The following PCDHA4 variants were observed in gnomAD, a reference collection of about 807,000 sequenced individuals.
The protein encoded by PCDHA4 is protocadherin alpha-4.
PCDHA4 carries 49 observed loss-of-function variants against 61.4 expected under a neutral mutation model. That is an observed-to-expected ratio of 0.80 (90% CI 0.63 to 1.01). The LOEUF is 1.01. Ranked by LOEUF, PCDHA4 falls within the 50% of genes least tolerant of loss-of-function variation. The pLI, the probability that PCDHA4 is intolerant of heterozygous loss-of-function variation, is 0.00. For missense variants in PCDHA4, 1,254 were observed against 1,235.8 expected (o/e 1.01, Z -0.22); for synonymous variants, 590 against 550.3 (o/e 1.07, Z -1.01).
chr5:140,884,708 T>C, intron 1 of PCDHA4: 1 of 1,479,044 alleles, frequency 6.8e-7, no homozygotes, highest in Non-Finnish European at 9.0e-7. Flanking sequence ...ACTTTAGCCT[T>C]CCTTGCAGTT....
chr5:140,993,786 C>G (rs2097581960), intron 3 of PCDHA4, among the ~76,000 whole-genome samples: 1 of 152,162 alleles, frequency 6.6e-6, no homozygotes, highest in Admixed American at 6.5e-5. Flanking sequence ...TGTACAGTAA[C>G]ATGCTGTGCA....
chr5:140,967,415 C>T, intron 1 of PCDHA4: 1 of 1,613,142 alleles, frequency 6.2e-7, no homozygotes, highest in African/African-American at 1.3e-5. Flanking sequence ...GGGCCTAGAC[C>T]GGGAGCAGGC....
At chr5:140,822,284 G>C (rs2150115215) in intron 1 of PCDHA4, 4 of 1,614,234 alleles carry the variant, frequency 2.5e-6, no homozygotes, top group Non-Finnish European at 3.4e-6. Flanking sequence ...TTGAGATACA[G>C]GTTAAATCCA....
chr5:140,929,614 A>G (rs1554207224), intron 1 of PCDHA4: 1 of 405,948 alleles, frequency 2.5e-6, no homozygotes, highest in African/African-American at 2.1e-5. Context: ...ATAAAATACC[A>G]AAATATTTTA....
chr5:140,888,572 A>G (rs1354616132), intron 1 of PCDHA4, among the ~76,000 whole-genome samples: 1 of 152,196 alleles, frequency 6.6e-6, no homozygotes, highest in Admixed American at 6.5e-5. Context: ...GCTTCATTTT[A>G]AGATTTGTTA....
At chr5:140,975,765 CAG>C (rs1179625862) in intron 1 of PCDHA4, among the ~76,000 whole-genome samples, 1 of 152,220 alleles carries the variant, frequency 6.6e-6, no homozygotes, top group Non-Finnish European at 1.5e-5. Flanking sequence ...TCATAAATCA[CAG>C]ATAATACCAT....
At chr5:140,827,761 A>G (rs1241454349) in intron 1 of PCDHA4, among the ~76,000 whole-genome samples, 2 of 152,264 alleles carry the variant, frequency 1.3e-5, no homozygotes, top group South Asian at 2.1e-4. Flanking sequence ...ACTTTAAATT[A>G]ATAAAAGAAG....
chr5:140,908,919 G>A (rs781892541), intron 1 of PCDHA4, among the ~76,000 whole-genome samples: 1 of 152,158 alleles, frequency 6.6e-6, no homozygotes, highest in Non-Finnish European at 1.5e-5. Context: ...TGTAGGAGGG[G>A]CCAAATGCAG....
intron 1 of PCDHA4, among the ~76,000 whole-genome samples, chr5:140,886,663 T>G (rs1164928390): frequency 6.6e-6 from 1 of 151,786 alleles, no homozygotes; most frequent in Non-Finnish European, 1.5e-5. Flanking sequence ...CTGTCTCTAC[T>G]AAAAATACAA....
At chr5:140,891,052 A>T (rs1554184638) in intron 1 of PCDHA4, among the ~76,000 whole-genome samples, 1 of 152,200 alleles carries the variant, frequency 6.6e-6, no homozygotes, top group Non-Finnish European at 1.5e-5. Flanking sequence ...CCCACAGCAC[A>T]TAGTAAATAT....
intron 1 of PCDHA4, among the ~76,000 whole-genome samples, chr5:140,880,163 AGAAGTTAAACAT>A (rs2058253523): frequency 6.6e-6 from 1 of 152,260 alleles, no homozygotes; most frequent in Admixed American, 6.5e-5. Flanking sequence ...AGTATATGTT[AGAAGTTAAACAT>A]GAAGGGAAAA....
chr5:140,890,550 C>A (rs1162286556), intron 1 of PCDHA4, among the ~76,000 whole-genome samples: 1 of 151,958 alleles, frequency 6.6e-6, no homozygotes, highest in Admixed American at 6.6e-5. Context: ...TGACTGAGTA[C>A]TTTTTATTGT....
intron 1 of PCDHA4, chr5:140,849,907 G>A (rs2150457051): frequency 1.3e-6 from 2 of 1,598,320 alleles, no homozygotes; most frequent in East Asian, 4.5e-5. Flanking sequence ...AACCCGCCGG[G>A]CTGCCACATC....
intron 1 of PCDHA4, chr5:140,929,314 G>A: frequency 6.4e-7 from 1 of 1,560,184 alleles, no homozygotes; most frequent in Non-Finnish European, 8.7e-7. Flanking sequence ...TCACGCTAAT[G>A]TCAATGCCAT....
At chr5:140,947,304 T>A (rs1370804451) in intron 1 of PCDHA4, among the ~76,000 whole-genome samples, 1 of 151,606 alleles carries the variant, frequency 6.6e-6, no homozygotes, top group Admixed American at 6.6e-5. Flanking sequence ...CTTGACATCT[T>A]TGTAAAAAGT....
intron 1 of PCDHA4, chr5:140,835,965 C>G (rs1422136448): frequency 1.2e-6 from 2 of 1,613,074 alleles, no homozygotes; most frequent in African/African-American, 1.3e-5. Flanking sequence ...CCACGAGGAG[C>G]TGGAGCTGTT....
chr5:140,925,048 C>A (rs574148178), intron 1 of PCDHA4, among the ~76,000 whole-genome samples: 1 of 150,658 alleles, frequency 6.6e-6, no homozygotes, highest in South Asian at 2.1e-4. Flanking sequence ...AAGTTTGAGA[C>A]CAGACTGGGC....
chr5:140,857,484 G>C (rs1044921765), intron 1 of PCDHA4: 1 of 1,598,418 alleles, frequency 6.3e-7, no homozygotes, highest in African/African-American at 1.3e-5. Flanking sequence ...GTGTCTGCGT[G>C]GGACGCGGAC....
At position 140,877,386 on chromosome 5, in the gene PCDHA4, T is replaced by G. The variant is rs782310487; in HGVS notation, c.2385+67814T>G. 5 of 1,613,816 alleles carry G rather than the reference T, an allele frequency of 3.1e-6. No individual in the cohort carries two copies. In the African/African-American group the frequency reaches 6.7e-5, roughly 22 times the overall value. On this transcript the variant is annotated intron_variant, in intron 1 of 3. Coordinates refer to ENST00000530339, the MANE Select transcript of PCDHA4 (RefSeq NM_018907.4). ...AGATCAGCACGACACGCATCCTGGA[T>G]GAGGCGGACGCTCCGCGCCACCGCC... is the stretch of plus-strand genomic sequence containing the variant.
Sources: allele counts gnomAD v4.1 joint callset (sites outside exome capture counted in the v4.1 genomes callset), GRCh38; gene constraint gnomAD v4.1.1; transcripts MANE v1.5; gene names NCBI Gene and HGNC (gene_info 2026-07-23, HGNC 2026-07-21).